Variants in CD79B observed in about 807,000 individuals in gnomAD.
CD79B encodes CD79b molecule.
A neutral mutation model predicts 30.0 loss-of-function variants in CD79B; 7 were observed. The ratio of observed to expected loss-of-function variants is 0.23; its 90% confidence interval spans 0.13 to 0.44. The LOEUF (loss-of-function observed/expected upper bound fraction) is 0.44. Among genes scored for constraint, CD79B ranks in the 20% least tolerant of loss-of-function variants. CD79B has a pLI of 1.00. For missense variants in CD79B, 218 were observed against 299.1 expected, an observed-to-expected ratio of 0.73 and a Z score of 2.00; for synonymous variants, 118 against 119.2, an observed-to-expected ratio of 0.99 and a Z score of 0.07.
Position 63,928,977 on chromosome 17 carries a change from AC to A in CD79B, c.*248del, listed in dbSNP as rs1258823096. 18 of 566,918 alleles carry A rather than the reference AC, an allele frequency of 3.2e-5. No individual in the cohort carries two copies. The highest frequency in any genetic ancestry group is 5.4e-5 in the Non-Finnish European group (17 of 315,242). The allele number at this position is 566,918 out of a possible 1,614,324, so 35.1% of individuals were successfully genotyped here. A position where few individuals can be genotyped will look rare whatever the true frequency, so the allele number is the denominator to read the frequency against. ...GTGTGGGGACGGATCACCTCATAGC[AC>A]CCCCAGAAGGCTGGGTCCCGTCCAT... is the stretch of plus-strand genomic sequence containing the variant. On this transcript the variant is annotated 3_prime_UTR_variant, in exon 6 of 6. Coordinates refer to ENST00000006750, the MANE Select transcript of CD79B (RefSeq NM_000626.4).
chr17:63,931,544 A>G (rs748401242), intron 1 of CD79B, among the ~76,000 whole-genome samples, 159 bp from the exon 2 acceptor site: 1 of 152,184 alleles, frequency 6.6e-6, no homozygotes, highest in Non-Finnish European at 1.5e-5. Context: ...CTTGGGAGAC[A>G]GATATGGGGT....
intron 1 of CD79B, 80 bp from the exon 2 acceptor site, chr17:63,931,465 G>A: frequency 7.3e-7 from 1 of 1,372,678 alleles, no homozygotes; most frequent in South Asian, 1.2e-5. Context: ...TGCCCTCTAT[G>A]TTCCCGGAGC....
rs373078798 is a variant in CD79B at position 63,930,290 on chromosome 17, C to T, written c.214G>A (p.Gly72Ser). The T allele has an allele frequency of 1.9e-5, 31 of 1,614,210 alleles. No individual in the cohort carries two copies. The highest frequency in any genetic ancestry group is 1.3e-4 in the African/African-American group (10 of 75,052). The stretch of plus-strand genomic sequence containing the variant: ...TGCTTCCAGAGCCAGCTCACATTGC[C>T]GGAGGCGCTGTTCATGTAGCAGTGC... Reference protein sequence around the residue: ...KMHCYMNSASGNVSWLWKQEM... With the variant: ...KMHCYMNSASSNVSWLWKQEM... Residue 72 changes from glycine (G) to serine (S), a missense_variant, in exon 3 of 6, where the codon GGC becomes AGC. By Grantham distance (56) the Gly-to-Ser change is moderately conservative. Transcript: ENST00000006750.
chr17:63,930,336 T>C lies in CD79B; in HGVS notation c.168A>G (p.Lys56=). 6.2e-7 allele frequency: 1 copy of C among 1,614,150 alleles called. No homozygotes were observed. Among genetic ancestry groups the C allele is most frequent in the African/African-American group, 1.3e-5 (1 of 75,058 alleles). Residue 56 remains lysine, a synonymous_variant, in exon 3 of 6, where the codon AAA becomes AAG. Coordinates refer to ENST00000006750, the MANE Select transcript of CD79B (RefSeq NM_000626.4). ...IWQSPRFIAR[K]RGFTVKMHCY... ...AGTGCATTTTCACCGTGAAGCCCCG[T>C]TTCCTGGCTATGAAACGTGGGCTCT...
rs200201924 is a variant in CD79B at position 63,932,269 on chromosome 17, G to A, written c.-8C>T. On this transcript the variant is annotated 5_prime_UTR_variant, in exon 1 of 6. Coordinates refer to ENST00000006750, the MANE Select transcript of CD79B (RefSeq NM_000626.4). ...CAACGCCAGCCTGGCCATGGTCACCGCTCTGTCCCCGACCCCAAACCCGTG... is the reference window on the plus strand; with the variant it reads ...CAACGCCAGCCTGGCCATGGTCACCACTCTGTCCCCGACCCCAAACCCGTG... 182 of 1,611,328 alleles carry A rather than the reference G, an allele frequency of 1.1e-4. No individual in the cohort carries two copies. In the East Asian group the frequency reaches 1.3e-3, roughly 11 times the overall value.
At chr17:63,931,881 G>C (rs564508525) in intron 1 of CD79B, 29 of 478,462 alleles carry the variant, frequency 6.1e-5, no homozygotes, top group African/African-American at 5.5e-4. Flanking sequence ...CCGACCCCCA[G>C]GCACCGCCCT....
chr17:63,930,599 C>T, intron 2 of CD79B: 1 of 604,928 alleles, frequency 1.7e-6, no homozygotes. Flanking sequence ...CTCTCAGACT[C>T]CACCTCTTCC....
At position 63,928,758 on chromosome 17, in the gene CD79B, CGTTTAT is replaced by C; in HGVS notation, c.*462_*467del. The C allele has an allele frequency of 2.9e-6, 1 of 339,602 alleles. No individual in the cohort carries two copies. The allele number at this position is 339,602 out of a possible 1,614,324, so 21.0% of individuals were successfully genotyped here. ...CTGTGTGTGGTTTCTCAGGACACAC[CGTTTAT>C]TCCACGGGGGAAGGCACTGGAGGCC... On this transcript the variant is annotated 3_prime_UTR_variant, in exon 6 of 6. Transcript: ENST00000006750.
chr17:63,930,385 C>A lies in CD79B; in HGVS notation c.119G>T (p.Gly40Val). The A allele has an allele frequency of 6.2e-7, 1 of 1,613,360 alleles. No homozygotes were observed. The highest frequency in any genetic ancestry group is 8.5e-7 in the Non-Finnish European group (1 of 1,179,838). ...RSEDRYRNPKGSACSRIWQSP... is the reference protein window; with the variant it reads ...RSEDRYRNPKVSACSRIWQSP... Reference sequence around the variant, plus strand: ...CTGCCAGATCCGCGAACAAGCACTACCTGTGGGTGCCAAGGCCAGGCTCAG... The same window carrying A: ...CTGCCAGATCCGCGAACAAGCACTAACTGTGGGTGCCAAGGCCAGGCTCAG... Residue 40 changes from glycine (G) to valine (V), a missense_variant and splice_region_variant, in exon 3 of 6, where the codon GGT becomes GTT. Gly to Val is a moderately radical substitution (Grantham distance 109). Transcript: ENST00000006750.
In CD79B at chr17:63,930,296, C is replaced by T. The variant is rs912718113; in HGVS notation, c.208G>A (p.Ala70Thr). Reference sequence around the variant, plus strand: ...CAGAGCCAGCTCACATTGCCGGAGGCGCTGTTCATGTAGCAGTGCATTTTC... The same window carrying T: ...CAGAGCCAGCTCACATTGCCGGAGGTGCTGTTCATGTAGCAGTGCATTTTC... ...TVKMHCYMNSASGNVSWLWKQ... is the reference protein window; with the variant it reads ...TVKMHCYMNSTSGNVSWLWKQ... Residue 70 changes from alanine (A) to threonine (T), a missense_variant, in exon 3 of 6, where the codon GCC (alanine) becomes ACC (threonine). By Grantham distance (58) the Ala-to-Thr change is moderately conservative. Coordinates refer to ENST00000006750, the MANE Select transcript of CD79B (RefSeq NM_000626.4). The T allele has an allele frequency of 8.1e-6, 13 of 1,614,206 alleles. No individual in the cohort carries two copies. Among genetic ancestry groups the T allele is most frequent in the Middle Eastern group, 1.6e-4 (1 of 6,062 alleles).
intron 5 of CD79B, 53 bp downstream of exon 5, chr17:63,929,381 A>G (rs951172052): frequency 2.5e-6 from 4 of 1,602,748 alleles, no homozygotes; most frequent in African/African-American, 2.7e-5. Context: ...ACCAGCAGAT[A>G]GTGGCCACTG....
rs1331987460 is a variant in CD79B at position 63,929,102 on chromosome 17, T to C, written c.*124A>G. The C allele has an allele frequency of 2.7e-6, 2 of 731,110 alleles. No individual in the cohort carries two copies. Among genetic ancestry groups the C allele is most frequent in the African/African-American group, 3.4e-5 (2 of 58,032 alleles). 45.3% of individuals were successfully genotyped at this position (731,110 alleles called of 1,614,324 possible). On this transcript the variant is annotated 3_prime_UTR_variant, in exon 6 of 6. Transcript: ENST00000006750. ...AGGGGCTGGAGACAAATGGCAGCTC[T>C]GGTGGGCCAGCTTCAGAGGCCAGCT... is the stretch of plus-strand genomic sequence containing the variant.
In CD79B at chr17:63,931,354, G is replaced by A. The variant is rs779444175; in HGVS notation, c.99C>T (p.Asp33=). The part of the protein sequence containing the change: ...AEPVPAARSE[D]RYRNPKGSAC... ...ACTGACCTTTGGGATTCCGGTACCG[G>A]TCCTCCGATCTGGCTGCTGGTACTG... Residue 33 remains aspartate (D), a synonymous_variant, in exon 2 of 6, where the codon GAC becomes GAT. Transcript: ENST00000006750. 1.2e-6 allele frequency: 2 copies of A among 1,614,060 alleles called. No individual in the cohort carries two copies. The highest frequency in any genetic ancestry group is 1.7e-6 in the Non-Finnish European group (2 of 1,180,028).
intron 1 of CD79B, 112 bp downstream of exon 1, chr17:63,932,083 G>A (rs116782601): frequency 2.0e-6 from 2 of 975,872 alleles, no homozygotes; most frequent in African/African-American, 1.6e-5. Context: ...GAGACAGGCG[G>A]TAAAGAGTGA....
Position 63,930,178 on chromosome 17 carries a change from A to T in CD79B, c.326T>A (p.Ile109Asn). 1 of 1,614,150 alleles carries T rather than the reference A, an allele frequency of 6.2e-7. No homozygotes were observed. Among genetic ancestry groups the T allele is most frequent in the Non-Finnish European group, 8.5e-7 (1 of 1,180,004 alleles). The change falls in exon 3 of 6, where the codon ATC becomes AAC. Residue 109 changes from isoleucine (I) to asparagine (N), a missense_variant. Physicochemically the swap from Ile to Asn is moderately radical, Grantham distance 149. Coordinates refer to ENST00000006750, the MANE Select transcript of CD79B (RefSeq NM_000626.4). ...SQNESLATLT[I>N]QGIRFEDNGI... ...ATTGTCCTCAAACCGGATGCCTTGG[A>T]TGGTGAGGGTGGCGAGAGATTCGTT...
Position 63,929,852 on chromosome 17 carries a change from G to A in CD79B, c.467C>T (p.Thr156Met), listed in dbSNP as rs2144756917. The change falls in exon 4 of 6, where the codon ACG becomes ATG. Residue 156 changes from threonine (T) to methionine (M), a missense_variant. Transcript: ENST00000006750. Reference protein sequence around the residue: ...STLAQLKQRNTLKDGIIMIQT... With the variant: ...STLAQLKQRNMLKDGIIMIQT... ...GATCATGATGATACCATCCTTCAGC[G>A]TGTTCCTCTGCTTCAGCTGTGCCAA... 6 of 1,613,648 alleles carry A rather than the reference G, an allele frequency of 3.7e-6. No individual in the cohort carries two copies. Among genetic ancestry groups the A allele is most frequent in the Non-Finnish European group, 4.2e-6 (5 of 1,179,794 alleles).
intron 5 of CD79B, 26 bp from the exon 6 acceptor site, chr17:63,929,350 C>A (rs1474638369): frequency 1.2e-6 from 2 of 1,610,674 alleles, no homozygotes; most frequent in South Asian, 2.2e-5. Flanking sequence ...GGAACTCAGG[C>A]CGGGACCACA....
Position 63,928,758 on chromosome 17 carries a change from C to A in CD79B, c.*468G>T. 2.9e-6 allele frequency: 1 copy of A among 339,602 alleles called. No homozygotes were observed. Among genetic ancestry groups the A allele is most frequent in the Admixed American group, 4.4e-5 (1 of 22,480 alleles). The allele number at this position is 339,602 out of a possible 1,614,324, so 21.0% of individuals were successfully genotyped here. ...CTGTGTGTGGTTTCTCAGGACACAC[C>A]GTTTATTCCACGGGGGAAGGCACTG... On this transcript the variant is annotated 3_prime_UTR_variant, in exon 6 of 6. Transcript: ENST00000006750.
In CD79B at chr17:63,929,414, G is replaced by A. The variant is rs773280965; in HGVS notation, c.591+20C>T. 6 of 1,613,884 alleles carry A rather than the reference G, an allele frequency of 3.7e-6. No individual in the cohort carries two copies. The South Asian group carries it at 5.5e-5, about 15-fold the overall frequency. On this transcript the variant is annotated intron_variant, in intron 5 of 5. Transcript: ENST00000006750. ...CTGACCCCGAGGACTCAGAGCTGCTGGGCCTGCCCCTCTCCTTACCTCGTA... is the reference window on the plus strand; with the variant it reads ...CTGACCCCGAGGACTCAGAGCTGCTAGGCCTGCCCCTCTCCTTACCTCGTA...
Sources: allele counts gnomAD v4.1 joint callset (sites outside exome capture counted in the v4.1 genomes callset), GRCh38; gene constraint gnomAD v4.1.1; transcripts MANE v1.5; gene names NCBI Gene and HGNC (gene_info 2026-07-23, HGNC 2026-07-21).